The following MCF2L variants were observed in gnomAD, a reference collection of about 807,000 sequenced individuals.
MCF2L encodes guanine nucleotide exchange factor DBS.
MCF2L carries 97 observed loss-of-function variants against 153.4 expected under a neutral mutation model. The observed-to-expected ratio is 0.63, with a 90% CI of 0.54 to 0.75. MCF2L has a LOEUF of 0.75. MCF2L is among the 30% of genes least tolerant of loss of function. MCF2L has a pLI of 0.00. For synonymous variants in MCF2L, 659 were observed against 632.2 expected (o/e 1.04, Z -0.64); for missense variants, 1,347 against 1,495.2 (o/e 0.90, Z 1.64).
At chr13:112,915,630 G>A (rs528760639) in intron 2 of MCF2L, among the ~76,000 whole-genome samples, 10 of 151,974 alleles carry the variant, frequency 6.6e-5, no homozygotes, top group Non-Finnish European at 1.0e-4. Flanking sequence ...TCTTGCTAGT[G>A]TACCTTTTCC....
chr13:113,017,579 G>A (rs111443559), intron 2 of MCF2L, among the ~76,000 whole-genome samples: 20 of 152,338 alleles, frequency 1.3e-4, no homozygotes, highest in African/African-American at 4.3e-4. Context: ...TTCAGGGGCC[G>A]CCTTGGACTC....
intron 1 of MCF2L, among the ~76,000 whole-genome samples, chr13:112,992,085 T>A (rs913535643): frequency 3.9e-5 from 6 of 152,212 alleles, no homozygotes; most frequent in Non-Finnish European, 8.8e-5. Context: ...GACCCGACAG[T>A]CACAGTCAAA....
intron 2 of MCF2L, among the ~76,000 whole-genome samples, chr13:112,939,705 C>A (rs2081555954): frequency 6.6e-6 from 1 of 152,160 alleles, no homozygotes; most frequent in African/African-American, 2.4e-5. Context: ...AAGCCGGATG[C>A]AGTGGCTCAC....
intron 2 of MCF2L, among the ~76,000 whole-genome samples, chr13:112,953,822 G>C (rs1385594963): frequency 6.6e-6 from 1 of 152,204 alleles, no homozygotes; most frequent in Non-Finnish European, 1.5e-5. Flanking sequence ...CAGCCACCTG[G>C]TAGGGGCTGG....
chr13:112,996,356 T>G (rs2083130758), intron 1 of MCF2L, among the ~76,000 whole-genome samples: 1 of 152,156 alleles, frequency 6.6e-6, no homozygotes, highest in Non-Finnish European at 1.5e-5. Context: ...TTAGAGAGTT[T>G]CTGACAAAAG....
intron 1 of MCF2L, among the ~76,000 whole-genome samples, chr13:113,012,934 C>T (rs1302953243): frequency 5.3e-4 from 71 of 133,018 alleles, no homozygotes; most frequent in Non-Finnish European, 8.1e-4. Flanking sequence ...GGTGGACAGG[C>T]GGTGTGGACG....
chr13:113,089,934 C>G, intron 26 of MCF2L: 1 of 1,597,662 alleles, frequency 6.3e-7, no homozygotes, highest in Non-Finnish European at 8.5e-7. Context: ...CCTGCATCAG[C>G]AAGGCCAGCC....
intron 2 of MCF2L, among the ~76,000 whole-genome samples, chr13:112,920,671 G>A (rs185212757): frequency 6.9e-4 from 104 of 150,550 alleles, no homozygotes; most frequent in African/African-American, 2.4e-3. Flanking sequence ...GTGCCAGGGG[G>A]AGGGCTTGCA....
rs374634929 is a variant in MCF2L, at chr13:112,974,185, C to T, written c.79+4727C>T. ...GTTTGGAGTTCCCTGCATTTGGCTT[C>T]CCTAAGGGTAAGACCACCTTCTATA... On this transcript the variant is annotated intron_variant, in intron 1 of 29. Coordinates refer to ENST00000535094, the MANE Select transcript of MCF2L (RefSeq NM_001112732.3). 5.9e-5 allele frequency among the ~76,000 whole-genome samples: 9 copies of T among 152,336 alleles called. No individual in the cohort carries two copies. The East Asian group carries it at 1.5e-3, about 26-fold the overall frequency.
intron 1 of MCF2L, among the ~76,000 whole-genome samples, chr13:112,899,617 T>C (rs1304718404): frequency 6.6e-6 from 1 of 152,112 alleles, no homozygotes; most frequent in African/African-American, 2.4e-5. Context: ...AGTGAGATCC[T>C]AGAGGAAGGA....
chr13:112,917,055 C>T (rs1055803625), intron 2 of MCF2L: 24 of 471,138 alleles, frequency 5.1e-5, no homozygotes, highest in South Asian at 2.0e-4. Flanking sequence ...TTCCTGTCAA[C>T]TCAAAGGTGC....
intron 1 of MCF2L, among the ~76,000 whole-genome samples, chr13:113,013,902 CCCATGCTCCCGGCTGGTGCTGGCT>C (rs1275167193): frequency 2.0e-5 from 3 of 152,126 alleles, no homozygotes; most frequent in African/African-American, 7.2e-5. Flanking sequence ...TCTTGCTGGC[CCCATGCTCCCGGCTGGTGCTGGCT>C]CCATGCTCCT....
intron 2 of MCF2L, among the ~76,000 whole-genome samples, chr13:112,959,610 C>T (rs1430621884): frequency 1.3e-5 from 2 of 152,144 alleles, no homozygotes; most frequent in Admixed American, 6.5e-5. Context: ...AGGTATTCTC[C>T]ATGTTTCCAT....
chr13:113,088,576 C>T lies in MCF2L; in HGVS notation c.2782C>T (p.Arg928Trp), dbSNP rs751090894. The change falls in exon 25 of 30, where the codon CGG (arginine) becomes TGG (tryptophan). Residue 928 changes from arginine (R) to tryptophan (W), a missense_variant. Physicochemically the swap from Arg to Trp is moderately radical, Grantham distance 101 (BLOSUM62 -3). Around this residue, in one of 3 missense-constraint regions of MCF2L, gnomAD observed 383 missense variants for 335.4 expected, o/e 1.14. Transcript: ENST00000535094. ...CCTCCTCGCAGAAGCCAGCCAGCAC[C>T]GGGCGCTGGAGCAGTCACAGAGCCT... ...LQACREASQH[R>W]ALEQSQSLPL... is the part of the protein sequence containing the mutation. 8 of 1,610,542 alleles carry T rather than the reference C, an allele frequency of 5.0e-6. No homozygotes were observed. Among genetic ancestry groups the T allele is most frequent in the Admixed American group, 3.3e-5 (2 of 59,936 alleles).
intron 1 of MCF2L, 125 bp from the exon 2 acceptor site, chr13:113,014,638 C>T: frequency 1.5e-6 from 1 of 685,382 alleles, no homozygotes; most frequent in Non-Finnish European, 2.5e-6. Context: ...AGCCTTTTTC[C>T]AGCCACGTGA....
At chr13:112,982,588 T>C (rs890632281) in intron 1 of MCF2L, among the ~76,000 whole-genome samples, 3 of 151,928 alleles carry the variant, frequency 2.0e-5, no homozygotes, top group Non-Finnish European at 4.4e-5. Flanking sequence ...GAGCCCTCAT[T>C]GTGTCTGGTG....
chr13:112,894,348 C>T (rs2081044412), upstream of MCF2L: 2 of 149,894 alleles, frequency 1.3e-5, no homozygotes, highest in African/African-American at 2.5e-5. Flanking sequence ...GTCGGCGCAG[C>T]CCTGGGAGGA....
At chr13:112,917,219 C>T (rs895790190) in intron 2 of MCF2L, 1 of 469,598 alleles carries the variant, frequency 2.1e-6, no homozygotes, top group Non-Finnish European at 4.4e-6. Flanking sequence ...ACCGCCCTGC[C>T]TCCGCAGAGC....
At chr13:113,075,274 T>C in intron 11 of MCF2L, 85 bp downstream of exon 11, 1 of 1,292,262 alleles carries the variant, frequency 7.7e-7, no homozygotes, top group Non-Finnish European at 1.1e-6. Context: ...CTGACCCTTG[T>C]CGTGGGGAGG....
Sources: gnomAD v4.1 joint callset for allele counts (sites outside exome capture counted in the v4.1 genomes callset) on GRCh38, gnomAD v4.1.1 for gene constraint, gnomAD v4.1.1 regional missense constraint, MANE v1.5 for transcripts, NCBI Gene and HGNC (gene_info 2026-07-23, HGNC 2026-07-21) for gene names.